The following CNTNAP2 variants were observed in gnomAD, a reference collection of about 807,000 sequenced individuals.
CNTNAP2 encodes contactin-associated protein-like 2.
In CNTNAP2, 98 loss-of-function variants were observed where a neutral mutation model predicts 155.2. The ratio of observed to expected loss-of-function variants is 0.63; its 90% CI spans 0.54 to 0.75. The LOEUF is 0.75. CNTNAP2 is among the 30% of genes least tolerant of loss of function. The probability of loss-of-function intolerance (pLI) is 0.00; values close to 1 mark genes in which losing one functional copy is unlikely to be tolerated. For synonymous variants in CNTNAP2, 651 were observed against 631.2 expected (o/e 1.03, Z -0.47); for missense variants, 1,727 against 1,688.1 (o/e 1.02, Z -0.40).
intron 1 of CNTNAP2, among the ~76,000 whole-genome samples, chr7:146,355,059 A>T (rs1047326240): frequency 4.6e-5 from 7 of 152,186 alleles, no homozygotes; most frequent in Admixed American, 4.6e-4. Context: ...GGACACTGTG[A>T]TTTCTAAAAA....
rs115962373 is a variant in CNTNAP2 at position 147,724,847 on chromosome 7, A to G, written c.2098+85541A>G. 7.4e-3 allele frequency among the ~76,000 whole-genome samples: 1,126 copies of G among 152,116 alleles called. 20 individuals are homozygous for G. Among genetic ancestry groups the G allele is most frequent in the African/African-American group, 0.026 (1,084 of 41,524 alleles). Reference sequence around the variant, plus strand: ...GAAAACTGTCAAACTAGATGCCACTACTGTGAGTTGTTGAAAAGGTTAAAT... The same window carrying G: ...GAAAACTGTCAAACTAGATGCCACTGCTGTGAGTTGTTGAAAAGGTTAAAT... On this transcript the variant is annotated intron_variant, in intron 13 of 23. Coordinates refer to ENST00000361727, the MANE Select transcript of CNTNAP2 (RefSeq NM_014141.6).
rs190659739 is a variant in CNTNAP2 at position 146,525,998 on chromosome 7, G to T, written c.98-248273G>T. Among the ~76,000 whole-genome samples the T allele has an allele frequency of 8.9e-4, 135 of 152,224 alleles. 1 individual carries two copies. The highest frequency in any genetic ancestry group is 1.6e-3 in the Non-Finnish European group (107 of 68,022). On this transcript the variant is annotated intron_variant, in intron 1 of 23. Transcript: ENST00000361727. ...GGAAGTTGTTCATAAGAGACAAAGA[G>T]AGCATATACAGACAGTGGACATGAA...
At chr7:146,639,494 A>G (rs1181530902) in intron 1 of CNTNAP2, among the ~76,000 whole-genome samples, 1 of 133,668 alleles carries the variant, frequency 7.5e-6, no homozygotes, top group African/African-American at 3.2e-5. Flanking sequence ...AGGAAACCGT[A>G]CTTCAGAAGG....
intron 10 of CNTNAP2, among the ~76,000 whole-genome samples, chr7:147,458,802 G>A (rs1005576707): frequency 1.3e-5 from 2 of 152,124 alleles, no homozygotes; most frequent in African/African-American, 2.4e-5. Context: ...GTCATTTTAC[G>A]AACATAAATT....
chr7:146,980,015 T>A (rs777445983), intron 3 of CNTNAP2, among the ~76,000 whole-genome samples: 7 of 152,218 alleles, frequency 4.6e-5, no homozygotes, highest in Non-Finnish European at 8.8e-5. Context: ...TGTAACCTTT[T>A]TCCAGGTGGA....
intron 13 of CNTNAP2, among the ~76,000 whole-genome samples, chr7:147,734,147 TG>T (rs1796795823): frequency 1.3e-5 from 2 of 152,216 alleles, no homozygotes; most frequent in South Asian, 4.1e-4. Flanking sequence ...ATATTGGCTG[TG>T]GGTTTGTCAT....
intron 1 of CNTNAP2, among the ~76,000 whole-genome samples, chr7:146,640,652 G>A (rs140259122): frequency 0.02 from 3,014 of 152,260 alleles, 48 homozygotes; most frequent in Middle Eastern, 0.075. Context: ...AAGGTTATCC[G>A]TAGCACCTAC....
intron 1 of CNTNAP2, among the ~76,000 whole-genome samples, chr7:146,710,549 C>T (rs777227158): frequency 2.6e-5 from 4 of 152,096 alleles, no homozygotes; most frequent in Non-Finnish European, 5.9e-5. Flanking sequence ...AGTTTTATTT[C>T]ACTTATTTAA....
At position 148,366,032 on chromosome 7, in the gene CNTNAP2, GTGTA is replaced by G. The variant is rs1798756969; in HGVS notation, c.3476-17614_3476-17611del. On this transcript the variant is annotated intron_variant, in intron 21 of 23. Coordinates refer to ENST00000361727, the MANE Select transcript of CNTNAP2 (RefSeq NM_014141.6). ...TGTGTGTATGCATGTATGCATGTGT[GTGTA>G]TGCATGTATGCATGTGTGTGTATGC... Among the ~76,000 whole-genome samples, 2 of 1,552 alleles carry G rather than the reference GTGTA, an allele frequency of 1.3e-3. 1 individual carries two copies. The highest frequency in any genetic ancestry group is 1.5e-3 in the African/African-American group (2 of 1,366). 1.0% of individuals were successfully genotyped at this position (1,552 alleles called of 152,430 possible). A position where few individuals can be genotyped will look rare whatever the true frequency, so the allele number is the denominator to read the frequency against.
At chr7:147,776,379 A>AG (rs778992186) in intron 13 of CNTNAP2, among the ~76,000 whole-genome samples, 1 of 152,146 alleles carries the variant, frequency 6.6e-6, no homozygotes, top group Non-Finnish European at 1.5e-5. Context: ...AAGAGGAAAA[A>AG]GGAAAAGAAA....
At chr7:147,601,121 A>G (rs964084142) in intron 12 of CNTNAP2, among the ~76,000 whole-genome samples, 3 of 152,106 alleles carry the variant, frequency 2.0e-5, no homozygotes, top group African/African-American at 7.2e-5. Context: ...TTCCATTCAC[A>G]GCCAATGTTG....
intron 2 of CNTNAP2, among the ~76,000 whole-genome samples, chr7:146,814,825 CAT>C (rs1803133405): frequency 6.6e-6 from 1 of 152,154 alleles, no homozygotes; most frequent in South Asian, 2.1e-4. Flanking sequence ...AACTTACAGT[CAT>C]TTCTGGTATG....
At chr7:146,916,144 A>G (rs1013569848) in intron 3 of CNTNAP2, among the ~76,000 whole-genome samples, 4 of 152,168 alleles carry the variant, frequency 2.6e-5, no homozygotes, top group Non-Finnish European at 5.9e-5. Context: ...ATGTTAAACC[A>G]TCCCTGCATC....
intron 2 of CNTNAP2, among the ~76,000 whole-genome samples, chr7:146,792,905 T>A (rs1802699597): frequency 6.6e-6 from 1 of 152,198 alleles, no homozygotes; most frequent in African/African-American, 2.4e-5. Flanking sequence ...TCAGAACATG[T>A]TGTAGTCTAT....
chr7:146,729,289 A>G (rs1801484527), intron 1 of CNTNAP2, among the ~76,000 whole-genome samples: 2 of 152,188 alleles, frequency 1.3e-5, no homozygotes, highest in South Asian at 4.1e-4. Flanking sequence ...ATTAAAATAG[A>G]GGCATGATCA....
intron 13 of CNTNAP2, among the ~76,000 whole-genome samples, chr7:147,875,392 G>A (rs547860483): frequency 3.3e-5 from 5 of 152,060 alleles, no homozygotes; most frequent in South Asian, 2.1e-4. Context: ...TCAACAGATC[G>A]TGTGAGACTT....
chr7:147,415,717 T>C (rs1445996220), intron 10 of CNTNAP2, among the ~76,000 whole-genome samples: 3 of 152,090 alleles, frequency 2.0e-5, no homozygotes, highest in Admixed American at 6.5e-5. Flanking sequence ...AAGCTACACA[T>C]GGAATGATTA....
intron 13 of CNTNAP2, among the ~76,000 whole-genome samples, chr7:147,837,877 T>C (rs1300763705): frequency 1.3e-5 from 2 of 152,226 alleles, no homozygotes; most frequent in Admixed American, 6.5e-5. Context: ...CTTTGCAGGC[T>C]ATAGCCTCCC....
intron 1 of CNTNAP2, among the ~76,000 whole-genome samples, chr7:146,715,996 A>C (rs1801180415): frequency 6.6e-6 from 1 of 152,112 alleles, no homozygotes; most frequent in African/African-American, 2.4e-5. Flanking sequence ...ACTTGAGAGA[A>C]GAATGAGCAG....
Sources: gnomAD v4.1 joint callset for allele counts (sites outside exome capture counted in the v4.1 genomes callset) on GRCh38, gnomAD v4.1.1 for gene constraint, MANE v1.5 for transcripts, NCBI Gene and HGNC (gene_info 2026-07-23, HGNC 2026-07-21) for gene names.